Variants in AXDND1 observed in about 807,000 individuals in gnomAD.
The protein encoded by AXDND1 is axonemal dynein light chain domain containing 1.
Under a neutral mutation model 137.5 loss-of-function variants are expected in AXDND1, and 110 were observed. The ratio of observed to expected loss-of-function variants is 0.80; its 90% confidence interval spans 0.69 to 0.94. AXDND1 has a LOEUF of 0.94. Ranked by LOEUF, AXDND1 falls within the 40% of genes least tolerant of loss-of-function variation. The pLI is 0.00. For missense variants in AXDND1, 1,191 were observed against 1,169.8 expected (o/e 1.02, Z -0.26); for synonymous variants, 414 against 399.7 (o/e 1.04, Z -0.43).
At chr1:179,456,018 C>G (rs1473585859) in intron 16 of AXDND1, 1 of 354,616 alleles carries the variant, frequency 2.8e-6, no homozygotes, top group African/African-American at 2.1e-5. Context: ...AGAACACAAA[C>G]TAAAATAACC....
At chr1:179,482,177 G>T (rs976253992) in intron 17 of AXDND1, among the ~76,000 whole-genome samples, 1 of 147,718 alleles carries the variant, frequency 6.8e-6, no homozygotes, top group African/African-American at 2.5e-5. Flanking sequence ...AGAGCTGGGG[G>T]TAGAGACAAT....
At chr1:179,524,761 T>C (rs1405121871) in intron 21 of AXDND1, among the ~76,000 whole-genome samples, 2 of 152,190 alleles carry the variant, frequency 1.3e-5, no homozygotes, top group East Asian at 3.9e-4. Context: ...CTTCCTCTGC[T>C]TCCCTTTCTT....
At chr1:179,446,548 C>G (rs1401617144) in intron 16 of AXDND1, among the ~76,000 whole-genome samples, 1 of 152,152 alleles carries the variant, frequency 6.6e-6, no homozygotes, top group Non-Finnish European at 1.5e-5. Flanking sequence ...TAGCAAGCAT[C>G]CCAGGTGATT....
chr1:179,429,333 A>G (rs1657047150), intron 12 of AXDND1, among the ~76,000 whole-genome samples, 185 bp from the exon 13 acceptor site: 1 of 152,182 alleles, frequency 6.6e-6, no homozygotes, highest in Non-Finnish European at 1.5e-5. Flanking sequence ...TTTGCTATAC[A>G]CTATACTTCA....
intron 4 of AXDND1, among the ~76,000 whole-genome samples, chr1:179,372,063 G>A (rs913922874): frequency 3.3e-4 from 51 of 152,294 alleles, no homozygotes; most frequent in African/African-American, 1.2e-3. Context: ...TGTTGTTTAA[G>A]ATGCTAAATT....
rs201237183 is a variant in AXDND1 at position 179,383,496 on chromosome 1, G to A, written c.693G>A (p.Met231Ile). 1.1e-4 allele frequency: 184 copies of A among 1,614,078 alleles called. 2 individuals are homozygous for A. The highest frequency in any genetic ancestry group is 9.9e-4 in the Middle Eastern group (6 of 6,062). The change falls in exon 8 of 26, where the codon ATG (methionine) becomes ATA (isoleucine). Residue 231 changes from methionine to isoleucine, a missense_variant. Physicochemically the swap from Met to Ile is conservative, Grantham distance 10 (BLOSUM62 1). Coordinates refer to ENST00000367618, the MANE Select transcript of AXDND1 (RefSeq NM_144696.6). ...AGCTGAATGATGTGATGGATACTAT[G>A]CTAGAGAGGGCTGGTGTGGAAAATC... The part of the protein sequence containing the change: ...VAQLNDVMDT[M>I]LERAGVENQE...
chr1:179,525,517 G>C, intron 22 of AXDND1, 70 bp downstream of exon 22: 1 of 1,470,808 alleles, frequency 6.8e-7, no homozygotes, highest in Non-Finnish European at 9.1e-7. Flanking sequence ...ATATTTTAGA[G>C]ACAGGGTCCT....
chr1:179,368,777 T>G (rs1667727419), intron 2 of AXDND1, 23 bp from the exon 3 acceptor site: 1 of 1,577,384 alleles, frequency 6.3e-7, no homozygotes, highest in Admixed American at 1.9e-5. Flanking sequence ...AGTAAGAGTT[T>G]TTCTTTTCCA....
intron 11 of AXDND1, among the ~76,000 whole-genome samples, chr1:179,410,583 T>A (rs1653722018): frequency 6.6e-6 from 1 of 152,238 alleles, no homozygotes; most frequent in Non-Finnish European, 1.5e-5. Context: ...GAAAAAGGTA[T>A]GTTCTGGTAG....
chr1:179,502,424 C>A (rs1477727896), intron 20 of AXDND1, among the ~76,000 whole-genome samples: 3 of 151,850 alleles, frequency 2.0e-5, no homozygotes, highest in African/African-American at 7.3e-5. Context: ...ATTAGCCCGG[C>A]ATGGTGGCAC....
intron 16 of AXDND1, chr1:179,456,457 C>T: frequency 1.3e-6 from 1 of 768,074 alleles, no homozygotes; most frequent in Non-Finnish European, 2.4e-6. Context: ...AAGCTGCCTC[C>T]ACCTCCGTTG....
intron 17 of AXDND1, among the ~76,000 whole-genome samples, chr1:179,473,782 G>A (rs72721223): frequency 0.32 from 48,380 of 151,952 alleles, 8,323 homozygotes; most frequent in Middle Eastern, 0.43. Flanking sequence ...CATTTCCCCT[G>A]CCTGCACCTC....
chr1:179,505,277 CA>C (rs1480025669), intron 20 of AXDND1, among the ~76,000 whole-genome samples: 3 of 148,938 alleles, frequency 2.0e-5, no homozygotes, highest in Non-Finnish European at 3.0e-5. Context: ...ATTTGGATGA[CA>C]TTAGTGAGAG....
rs66461504 is a variant in AXDND1, at chr1:179,533,626, CTTT to C, written c.2716-153_2716-151del. Among the ~76,000 whole-genome samples the C allele has an allele frequency of 8.1e-3, 1,102 of 136,192 alleles. 10 individuals are homozygous for C. The highest frequency in any genetic ancestry group is 0.024 in the African/African-American group (879 of 36,866). 89.3% of individuals were successfully genotyped at this position (136,192 alleles called of 152,430 possible). On this transcript the variant is annotated intron_variant, in intron 23 of 25. Transcript: ENST00000367618. The stretch of plus-strand genomic sequence containing the variant: ...TATGCTATTTGACCAGAGACAATCC[CTTT>C]TTTTTTTTTTTTTTTGGTATTAAGG...
chr1:179,475,492 T>A (rs911917248), intron 17 of AXDND1, among the ~76,000 whole-genome samples: 2 of 152,226 alleles, frequency 1.3e-5, no homozygotes, highest in African/African-American at 4.8e-5. Flanking sequence ...AGCTTTAAGA[T>A]TTAATGACTG....
intron 12 of AXDND1, among the ~76,000 whole-genome samples, chr1:179,420,751 T>C (rs927563370): frequency 2.6e-5 from 4 of 151,918 alleles, no homozygotes; most frequent in African/African-American, 9.7e-5. Flanking sequence ...GCCTCCTGAG[T>C]TGCTGGGATT....
At chr1:179,448,229 A>G in intron 16 of AXDND1, 1 of 799,210 alleles carries the variant, frequency 1.3e-6, no homozygotes, top group Non-Finnish European at 2.3e-6. Flanking sequence ...TGCTTTCATA[A>G]GGTTAATTAT....
At chr1:179,420,312 A>G (rs1193746829) in intron 12 of AXDND1, among the ~76,000 whole-genome samples, 1 of 152,128 alleles carries the variant, frequency 6.6e-6, no homozygotes, top group East Asian at 1.9e-4. Flanking sequence ...ATGGTGAATG[A>G]TCTTTTTTAA....
At chr1:179,405,795 T>A (rs1652868489) in intron 11 of AXDND1, among the ~76,000 whole-genome samples, 1 of 151,884 alleles carries the variant, frequency 6.6e-6, no homozygotes, top group African/African-American at 2.4e-5. Flanking sequence ...GTTTATTGAT[T>A]TTGTTTATTT....
Sources: allele counts gnomAD v4.1 joint callset (sites outside exome capture counted in the v4.1 genomes callset), GRCh38; gene constraint gnomAD v4.1.1; transcripts MANE v1.5; gene names NCBI Gene and HGNC (gene_info 2026-07-23, HGNC 2026-07-21).